STX8: variants seen among roughly 807,000 people sequenced by gnomAD.
STX8 encodes the protein syntaxin-8.
Under a neutral mutation model 37.5 loss-of-function variants are expected in STX8, and 23 were observed. The ratio of observed to expected loss-of-function variants is 0.61; its 90% CI spans 0.44 to 0.87. The LOEUF is 0.87. STX8 is among the 40% of genes least tolerant of loss of function. STX8 has a pLI of 0.00. For synonymous variants in STX8, 115 were observed against 99.1 expected, an observed-to-expected ratio of 1.16 and a Z score of -0.95; for missense variants, 313 against 284.7, an observed-to-expected ratio of 1.10 and a Z score of -0.71.
chr17:9,423,615 T>C (rs944181412), intron 6 of STX8, among the ~76,000 whole-genome samples: 2 of 152,216 alleles, frequency 1.3e-5, no homozygotes, highest in Admixed American at 1.3e-4. Context: ...AGAACCACCG[T>C]GCCCGGCCAA....
intron 7 of STX8, chr17:9,273,154 G>A: frequency 6.6e-6 from 1 of 152,224 alleles, no homozygotes; most frequent in South Asian, 2.1e-4. Flanking sequence ...GGTTTAGAAT[G>A]ACATAGAGGC....
At chr17:9,543,305 T>TA (rs1555535812) in intron 4 of STX8, among the ~76,000 whole-genome samples, 2 of 150,822 alleles carry the variant, frequency 1.3e-5, no homozygotes, top group Non-Finnish European at 3.0e-5. Context: ...TTTTGGTTTT[T>TA]TTTTTTGAGA....
At chr17:9,411,000 T>C (rs1339031210) in intron 6 of STX8, among the ~76,000 whole-genome samples, 4 of 152,226 alleles carry the variant, frequency 2.6e-5, no homozygotes, top group African/African-American at 4.8e-5. Context: ...TTAGGAAGTA[T>C]TACTTGTTAG....
intron 2 of STX8, among the ~76,000 whole-genome samples, chr17:9,565,115 C>T (rs571842518): frequency 2.6e-4 from 40 of 152,214 alleles, no homozygotes; most frequent in African/African-American, 9.6e-4. Context: ...GGCTGAGGCA[C>T]GGGAATCACT....
chr17:9,332,547 A>G (rs1168736349), intron 7 of STX8, among the ~76,000 whole-genome samples: 1 of 152,216 alleles, frequency 6.6e-6, no homozygotes, highest in Non-Finnish European at 1.5e-5. Flanking sequence ...TTTATAATTC[A>G]TCCAAATGGA....
At chr17:9,535,663 A>C (rs973782683) in intron 4 of STX8, among the ~76,000 whole-genome samples, 1 of 151,498 alleles carries the variant, frequency 6.6e-6, no homozygotes, top group East Asian at 1.9e-4. Context: ...CAATCTCCTG[A>C]CCTCATGATC....
At chr17:9,300,414 T>G (rs1908730829) in intron 7 of STX8, among the ~76,000 whole-genome samples, 1 of 150,900 alleles carries the variant, frequency 6.6e-6, no homozygotes, top group Non-Finnish European at 1.5e-5. Context: ...AGTCATGACC[T>G]CCCCAAATCA....
chr17:9,305,291 C>G (rs936392128), intron 7 of STX8, among the ~76,000 whole-genome samples: 1 of 151,984 alleles, frequency 6.6e-6, no homozygotes, highest in African/African-American at 2.4e-5. Context: ...TGGGGTTGCA[C>G]CATGTTGGCC....
chr17:9,425,935 G>A (rs1349152344), intron 6 of STX8, among the ~76,000 whole-genome samples: 1 of 151,984 alleles, frequency 6.6e-6, no homozygotes, highest in East Asian at 1.9e-4. Context: ...GTATGCACGC[G>A]CACACACACA....
chr17:9,459,906 C>T (rs1905300952), intron 6 of STX8, among the ~76,000 whole-genome samples: 1 of 152,176 alleles, frequency 6.6e-6, no homozygotes, highest in South Asian at 2.1e-4. Context: ...GTTTTTTTGG[C>T]ATCTAGAAGG....
intron 6 of STX8, chr17:9,437,858 T>C (rs1904490365): frequency 6.6e-6 from 1 of 152,176 alleles, no homozygotes; most frequent in East Asian, 1.9e-4. Flanking sequence ...AGTGATTCCA[T>C]GATGAATTTC....
intron 4 of STX8, among the ~76,000 whole-genome samples, chr17:9,536,151 T>A (rs925153883): frequency 6.6e-6 from 1 of 152,208 alleles, no homozygotes; most frequent in African/African-American, 2.4e-5. Context: ...TGAATCCTGT[T>A]CAATGCTTTG....
chr17:9,511,582 T>C (rs1905020005), intron 4 of STX8, among the ~76,000 whole-genome samples: 1 of 152,008 alleles, frequency 6.6e-6, no homozygotes, highest in African/African-American at 2.4e-5. Context: ...AAACTAGGTA[T>C]AGAAGGAAAG....
intron 6 of STX8, among the ~76,000 whole-genome samples, chr17:9,428,840 A>G (rs530988690): frequency 6.6e-6 from 1 of 152,306 alleles, no homozygotes; most frequent in East Asian, 1.9e-4. Flanking sequence ...CCACATTATA[A>G]GAGCTCAATA....
intron 7 of STX8, among the ~76,000 whole-genome samples, chr17:9,256,307 G>T (rs1307751778): frequency 6.6e-6 from 1 of 152,168 alleles, no homozygotes; most frequent in African/African-American, 2.4e-5. Flanking sequence ...GACAGTGTGG[G>T]GGTCCCTCGG....
intron 7 of STX8, among the ~76,000 whole-genome samples, chr17:9,343,866 T>A (rs1476097186): frequency 6.6e-6 from 1 of 152,126 alleles, no homozygotes; most frequent in African/African-American, 2.4e-5. Context: ...TAATTCCAGG[T>A]TAATACTGAT....
chr17:9,304,523 AAAAAAAGAAAAAAGAAAG>A (rs1908898738), intron 7 of STX8, among the ~76,000 whole-genome samples: 1 of 150,850 alleles, frequency 6.6e-6, no homozygotes, highest in African/African-American at 2.4e-5. Context: ...AAAAAAAAAA[AAAAAAAGAAAAAAGAAAG>A]AAAAAAGAAA....
chr17:9,518,645 G>C (rs918254334), intron 4 of STX8, among the ~76,000 whole-genome samples: 1 of 152,122 alleles, frequency 6.6e-6, no homozygotes, highest in African/African-American at 2.4e-5. Flanking sequence ...GAGGCGGGTA[G>C]ATCACGAGGT....
At chr17:9,348,400 A>T (rs1910599812) in intron 7 of STX8, among the ~76,000 whole-genome samples, 1 of 142,926 alleles carries the variant, frequency 7.0e-6, no homozygotes, top group South Asian at 2.4e-4. Flanking sequence ...CCTGGGCAAC[A>T]GAGCAAGACT....
Sources: gnomAD v4.1 joint callset for allele counts (sites outside exome capture counted in the v4.1 genomes callset) on GRCh38, gnomAD v4.1.1 for gene constraint, MANE v1.5 for transcripts, NCBI Gene and HGNC (gene_info 2026-07-23, HGNC 2026-07-21) for gene names.